Variants in PCBP1 observed in about 807,000 individuals in gnomAD.
The protein encoded by PCBP1 is poly(rC) binding protein 1.
For synonymous variants in PCBP1, 284 were observed against 195.8 expected (o/e 1.45, Z -3.76); for missense variants, 244 against 474.4 (o/e 0.51, Z 4.51).
chr2:70,088,149 G>A lies in PCBP1; in HGVS notation c.406G>A (p.Asp136Asn). The A allele has an allele frequency of 6.2e-7, 1 of 1,613,908 alleles. No individual in the cohort carries two copies. Among genetic ancestry groups the A allele is most frequent in the Non-Finnish European group, 8.5e-7 (1 of 1,179,988 alleles). Reference protein sequence around the residue: ...STGAQVQVAGDMLPNSTERAI... With the variant: ...STGAQVQVAGNMLPNSTERAI... ...GGGGGCGCAGGTCCAGGTGGCGGGG[G>A]ATATGCTGCCCAACTCCACCGAGCG... Residue 136 changes from aspartate to asparagine, a missense_variant, in exon 1 of 1, where the codon GAT becomes AAT. Asp to Asn is a conservative substitution (Grantham distance 23). Coordinates refer to ENST00000303577, the MANE Select transcript of PCBP1 (RefSeq NM_006196.4). The surrounding 1 kb of genome is among the most constrained non-coding windows in gnomAD (Gnocchi z 4.5).
chr2:70,087,751 C>T lies in PCBP1; in HGVS notation c.8C>T (p.Ala3Val), dbSNP rs1188591740. 4 of 1,544,162 alleles carry T rather than the reference C, an allele frequency of 2.6e-6. No homozygotes were observed. The highest frequency in any genetic ancestry group is 1.9e-5 in the Admixed American group (1 of 51,824). The change falls in exon 1 of 1, where the codon GCC (alanine) becomes GTC (valine). Residue 3 changes from alanine (A) to valine (V), a missense_variant. By Grantham distance (64) the Ala-to-Val change is moderately conservative (BLOSUM62 0). Coordinates refer to ENST00000303577, the MANE Select transcript of PCBP1 (RefSeq NM_006196.4). MD[A>V]GVTESGLNVT... Reference sequence around the variant, plus strand: ...CGCCGCCCGCCGCTCGCCATGGATGCCGGTGTGACTGAAAGTGGACTAAAT... The same window carrying T: ...CGCCGCCCGCCGCTCGCCATGGATGTCGGTGTGACTGAAAGTGGACTAAAT...
Position 70,088,284 on chromosome 2 carries a change from A to G in PCBP1, c.541A>G (p.Ile181Val), listed in dbSNP as rs893719521. The G allele has an allele frequency of 2.1e-5, 34 of 1,613,682 alleles. No homozygotes were observed. Among genetic ancestry groups the G allele is most frequent in the Non-Finnish European group, 2.9e-5 (34 of 1,180,026 alleles). ...GTCTCCGCAAGGGAGAGTCATGACC[A>G]TTCCGTACCAGCCCATGCCGGCCAG... is the stretch of plus-strand genomic sequence containing the variant. ...SQSPQGRVMT[I>V]PYQPMPASSP... Residue 181 changes from isoleucine to valine, a missense_variant, in exon 1 of 1, where the codon ATT (isoleucine) becomes GTT (valine). By Grantham distance (29) the Ile-to-Val change is conservative. Coordinates refer to ENST00000303577, the MANE Select transcript of PCBP1 (RefSeq NM_006196.4). The surrounding 1 kb of genome is among the most constrained non-coding windows in gnomAD (Gnocchi z 4.5).
chr2:70,088,580 A>G lies in PCBP1; in HGVS notation c.837A>G (p.Gln279=), dbSNP rs777581632. 3 of 1,614,250 alleles carry G rather than the reference A, an allele frequency of 1.9e-6. No homozygotes were observed. Among genetic ancestry groups the G allele is most frequent in the Non-Finnish European group, 2.5e-6 (3 of 1,180,040 alleles). Reference sequence around the variant, plus strand: ...GGGCAAGTTTGGATGCATCTACTCAAACCACCCATGAACTCACCATTCCAA... The same window carrying G: ...GGGCAAGTTTGGATGCATCTACTCAGACCACCCATGAACTCACCATTCCAA... ...GYWASLDAST[Q]TTHELTIPNN... Residue 279 remains glutamine, a synonymous_variant, in exon 1 of 1, where the codon CAA becomes CAG. Coordinates refer to ENST00000303577, the MANE Select transcript of PCBP1 (RefSeq NM_006196.4). This position sits in a 1 kb window ranked among gnomAD's most constrained non-coding sequence, Gnocchi z 4.5.
rs894671166 is a variant in PCBP1 at position 70,089,142 on chromosome 2, TAAA to T, written c.*332_*334del. 6 of 248,038 alleles carry T rather than the reference TAAA, an allele frequency of 2.4e-5. No homozygotes were observed. The highest frequency in any genetic ancestry group is 9.1e-5 in the African/African-American group (4 of 44,046). The allele number at this position is 248,038 out of a possible 1,614,324, so 15.4% of individuals were successfully genotyped here. On this transcript the variant is annotated 3_prime_UTR_variant, in exon 1 of 1. Coordinates refer to ENST00000303577, the MANE Select transcript of PCBP1 (RefSeq NM_006196.4). ...TCTGTAATGTCAAGAATTTAAGAAT[TAAA>T]AAACGGATTGGTTAAAAAATGCTTC...
At position 70,088,010 on chromosome 2, in the gene PCBP1, C is replaced by T; in HGVS notation, c.267C>T (p.Asn89=). Residue 89 remains asparagine, a synonymous_variant, in exon 1 of 1, where the codon AAC becomes AAT. Coordinates refer to ENST00000303577, the MANE Select transcript of PCBP1 (RefSeq NM_006196.4). This position sits in a 1 kb window ranked among gnomAD's most constrained non-coding sequence, Gnocchi z 4.5. ...LEEDINSSMT[N]STAASRPPVT... ...AAGATATCAACAGCTCCATGACCAA[C>T]AGTACCGCGGCCAGCAGGCCCCCGG... is the stretch of plus-strand genomic sequence containing the variant. 6.2e-7 allele frequency: 1 copy of T among 1,613,860 alleles called. No homozygotes were observed. The highest frequency in any genetic ancestry group is 8.5e-7 in the Non-Finnish European group (1 of 1,180,026).
rs780734416 is a variant in PCBP1 at position 70,088,634 on chromosome 2, C to T, written c.891C>T (p.Arg297=). ...ACTTAATTGGCTGCATAATCGGGCG[C>T]CAAGGCGCCAACATTAATGAGATCC... The part of the protein sequence containing the change: ...PNNLIGCIIG[R]QGANINEIRQ... Residue 297 remains arginine, a synonymous_variant, in exon 1 of 1, where the codon CGC becomes CGT. Coordinates refer to ENST00000303577, the MANE Select transcript of PCBP1 (RefSeq NM_006196.4). The surrounding 1 kb of genome is among the most constrained non-coding windows in gnomAD (Gnocchi z 4.5). 7 of 1,614,120 alleles carry T rather than the reference C, an allele frequency of 4.3e-6. No homozygotes were observed. The Admixed American group carries it at 8.3e-5, about 19-fold the overall frequency.
At position 70,088,103 on chromosome 2, in the gene PCBP1, C is replaced by A. The variant is rs766895232; in HGVS notation, c.360C>A (p.Ile120=). The A allele has an allele frequency of 6.2e-7, 1 of 1,613,584 alleles. No individual in the cohort carries two copies. The highest frequency in any genetic ancestry group is 1.1e-5 in the South Asian group (1 of 91,076). The change falls in exon 1 of 1, where the codon ATC becomes ATA. Residue 120 remains isoleucine (I), a synonymous_variant. Transcript: ENST00000303577. This position sits in a 1 kb window ranked among gnomAD's most constrained non-coding sequence, Gnocchi z 4.5. ...TGATTGGGAAAGGCGGGTGTAAGAT[C>A]AAAGAGATCCGCGAGAGTACGGGGG... ...GSLIGKGGCK[I]KEIRESTGAQ...
At position 70,087,868 on chromosome 2, in the gene PCBP1, A is replaced by T. The variant is rs1379063769; in HGVS notation, c.125A>T (p.Glu42Val). The part of the protein sequence containing the change: ...KGESVKRIRE[E>V]SGARINISEG... ...GAGTCGGTTAAGAGGATCCGCGAGGAGAGTGGCGCGCGGATCAACATCTCG... is the reference window on the plus strand; with the variant it reads ...GAGTCGGTTAAGAGGATCCGCGAGGTGAGTGGCGCGCGGATCAACATCTCG... The change falls in exon 1 of 1, where the codon GAG becomes GTG. Residue 42 changes from glutamate (E) to valine (V), a missense_variant. Physicochemically the swap from Glu to Val is moderately radical, Grantham distance 121. Transcript: ENST00000303577. 6.2e-7 allele frequency: 1 copy of T among 1,612,292 alleles called. No homozygotes were observed. Among genetic ancestry groups the T allele is most frequent in the African/African-American group, 1.3e-5 (1 of 74,910 alleles).
chr2:70,088,302 C>A lies in PCBP1; in HGVS notation c.559C>A (p.Pro187Thr). Residue 187 changes from proline to threonine, a missense_variant, in exon 1 of 1, where the codon CCG becomes ACG. Coordinates refer to ENST00000303577, the MANE Select transcript of PCBP1 (RefSeq NM_006196.4). The surrounding 1 kb of genome is among the most constrained non-coding windows in gnomAD (Gnocchi z 4.5). ...RVMTIPYQPMPASSPVICAGG... is the reference protein window; with the variant it reads ...RVMTIPYQPMTASSPVICAGG... ...CATGACCATTCCGTACCAGCCCATG[C>A]CGGCCAGCTCCCCAGTCATCTGCGC... 6.2e-7 allele frequency: 1 copy of A among 1,613,802 alleles called. No homozygotes were observed. Among genetic ancestry groups the A allele is most frequent in the South Asian group, 1.1e-5 (1 of 91,088 alleles).
Position 70,088,857 on chromosome 2 carries a change from C to T in PCBP1, c.*43C>T. On this transcript the variant is annotated 3_prime_UTR_variant, in exon 1 of 1. Transcript: ENST00000303577. This position sits in a 1 kb window ranked among gnomAD's most constrained non-coding sequence, Gnocchi z 4.5. The stretch of plus-strand genomic sequence containing the variant: ...CAATAACCCCTTTCTGCTGTTCTCC[C>T]ATGATCCAACTGTGTAATTTCTGGT... 3 of 1,378,806 alleles carry T rather than the reference C, an allele frequency of 2.2e-6. No homozygotes were observed. Among genetic ancestry groups the T allele is most frequent in the Non-Finnish European group, 2.0e-6 (2 of 998,044 alleles). The allele number at this position is 1,378,806 out of a possible 1,614,324, so 85.4% of individuals were successfully genotyped here.
Position 70,087,659 on chromosome 2 carries a change from C to A in PCBP1, c.-85C>A. On this transcript the variant is annotated 5_prime_UTR_variant, in exon 1 of 1. Transcript: ENST00000303577. ...CTCGCCTCGCGCCGGCAGTTTTGGG[C>A]CTACACCTCCCCTCCCCCCGCCAGC... is the stretch of plus-strand genomic sequence containing the variant. The A allele has an allele frequency of 1.1e-6, 1 of 934,532 alleles. No individual in the cohort carries two copies. Among genetic ancestry groups the A allele is most frequent in the Non-Finnish European group, 1.6e-6 (1 of 620,094 alleles). The allele number at this position is 934,532 out of a possible 1,614,324, so 57.9% of individuals were successfully genotyped here.
rs772702109 is a variant in PCBP1, at chr2:70,088,724, T to C, written c.981T>C (p.Val327=). The C allele has an allele frequency of 1.2e-6, 2 of 1,614,234 alleles. No homozygotes were observed. Among genetic ancestry groups the C allele is most frequent in the East Asian group, 4.5e-5 (2 of 44,890 alleles). Residue 327 remains valine, a synonymous_variant, in exon 1 of 1, where the codon GTT becomes GTC. Coordinates refer to ENST00000303577, the MANE Select transcript of PCBP1 (RefSeq NM_006196.4). The surrounding 1 kb of genome is among the most constrained non-coding windows in gnomAD (Gnocchi z 4.5). ...NPVEGSSGRQ[V]TITGSAASIS... is the part of the protein sequence containing the mutation. ...TGGAAGGCTCCTCTGGTAGGCAGGTTACTATCACTGGCTCTGCTGCCAGTA... is the reference window on the plus strand; with the variant it reads ...TGGAAGGCTCCTCTGGTAGGCAGGTCACTATCACTGGCTCTGCTGCCAGTA...
chr2:70,087,520 G>A lies in PCBP1; in HGVS notation c.-224G>A, dbSNP rs1671342681. The A allele has an allele frequency of 9.8e-6, 1 of 102,012 alleles. No homozygotes were observed. The highest frequency in any genetic ancestry group is 3.9e-5 in the African/African-American group (1 of 25,614). The allele number at this position is 102,012 out of a possible 1,614,324, so 6.3% of individuals were successfully genotyped here. On this transcript the variant is annotated 5_prime_UTR_variant, in exon 1 of 1. Transcript: ENST00000303577. ...CCGGAGTCGCCACCGCCGCGCCCTC[G>A]CCCACCCGCCCGCCCGCCGCTCCCG...
Position 70,087,498 on chromosome 2 carries a change from G to A in PCBP1, c.-246G>A, listed in dbSNP as rs1671340715. The A allele has an allele frequency of 6.7e-6, 1 of 149,542 alleles. No homozygotes were observed. Among genetic ancestry groups the A allele is most frequent in the African/African-American group, 2.4e-5 (1 of 40,934 alleles). 9.3% of individuals were successfully genotyped at this position (149,542 alleles called of 1,614,324 possible). A position where few individuals can be genotyped will look rare whatever the true frequency, so the allele number is the denominator to read the frequency against. On this transcript the variant is annotated 5_prime_UTR_variant, in exon 1 of 1. Transcript: ENST00000303577. ...GCCCAGACCGCCGAGGCTGCCGCCG[G>A]AGTCGCCACCGCCGCGCCCTCGCCC...
Position 70,088,924 on chromosome 2 carries a change from C to T in PCBP1, c.*110C>T, listed in dbSNP as rs1490703283. 5.4e-6 allele frequency: 4 copies of T among 736,716 alleles called. No individual in the cohort carries two copies. The highest frequency in any genetic ancestry group is 8.8e-6 in the Non-Finnish European group (4 of 453,526). 45.6% of individuals were successfully genotyped at this position (736,716 alleles called of 1,614,324 possible). On this transcript the variant is annotated 3_prime_UTR_variant, in exon 1 of 1. Transcript: ENST00000303577. The surrounding 1 kb of genome is among the most constrained non-coding windows in gnomAD (Gnocchi z 4.5). The stretch of plus-strand genomic sequence containing the variant: ...TAAATAATTTGTAAGTGTTCAGTTT[C>T]TACACAACTTTATCATCCGCTAAGA...
In PCBP1 at chr2:70,087,677, C is replaced by A; in HGVS notation, c.-67C>A. ...TTTTGGGCCTACACCTCCCCTCCCC[C>A]CGCCAGCCGCCAAAGACTTGACCAC... On this transcript the variant is annotated 5_prime_UTR_variant, in exon 1 of 1. Transcript: ENST00000303577. 2 of 1,144,134 alleles carry A rather than the reference C, an allele frequency of 1.7e-6. No homozygotes were observed. The allele number at this position is 1,144,134 out of a possible 1,614,324, so 70.9% of individuals were successfully genotyped here.
chr2:70,088,966 C>T lies in PCBP1; in HGVS notation c.*152C>T, dbSNP rs1453422021. ...CCGCTAAGAATTTAAAAATCACATT[C>T]TCTGTTCAGCTGTTAATGCTGGGAT... On this transcript the variant is annotated 3_prime_UTR_variant, in exon 1 of 1. Coordinates refer to ENST00000303577, the MANE Select transcript of PCBP1 (RefSeq NM_006196.4). The surrounding 1 kb of genome is among the most constrained non-coding windows in gnomAD (Gnocchi z 4.5). 3.3e-6 allele frequency: 2 copies of T among 609,022 alleles called. No individual in the cohort carries two copies. The highest frequency in any genetic ancestry group is 5.8e-6 in the Non-Finnish European group (2 of 344,824). The allele number at this position is 609,022 out of a possible 1,614,324, so 37.7% of individuals were successfully genotyped here.
Position 70,088,159 on chromosome 2 carries a change from C to T in PCBP1, c.416C>T (p.Pro139Leu). 2 of 1,613,990 alleles carry T rather than the reference C, an allele frequency of 1.2e-6. No homozygotes were observed. Among genetic ancestry groups the T allele is most frequent in the Non-Finnish European group, 1.7e-6 (2 of 1,180,004 alleles). Reference protein sequence around the residue: ...AQVQVAGDMLPNSTERAITIA... With the variant: ...AQVQVAGDMLLNSTERAITIA... ...GTCCAGGTGGCGGGGGATATGCTGC[C>T]CAACTCCACCGAGCGGGCCATCACC... Residue 139 changes from proline to leucine, a missense_variant, in exon 1 of 1, where the codon CCC becomes CTC. Physicochemically the swap from Pro to Leu is moderately conservative, Grantham distance 98. Coordinates refer to ENST00000303577, the MANE Select transcript of PCBP1 (RefSeq NM_006196.4). This position sits in a 1 kb window ranked among gnomAD's most constrained non-coding sequence, Gnocchi z 4.5.
At position 70,088,979 on chromosome 2, in the gene PCBP1, T is replaced by TTAA; in HGVS notation, c.*167_*169dup. On this transcript the variant is annotated 3_prime_UTR_variant, in exon 1 of 1. Coordinates refer to ENST00000303577, the MANE Select transcript of PCBP1 (RefSeq NM_006196.4). This position sits in a 1 kb window ranked among gnomAD's most constrained non-coding sequence, Gnocchi z 4.5. The stretch of plus-strand genomic sequence containing the variant: ...AAAAATCACATTCTCTGTTCAGCTG[T>TTAA]TAATGCTGGGATCCATATTTAGTTT... 1 of 577,312 alleles carries TTAA rather than the reference T, an allele frequency of 1.7e-6. No individual in the cohort carries two copies. Among genetic ancestry groups the TTAA allele is most frequent in the Admixed American group, 3.4e-5 (1 of 29,524 alleles). 35.8% of individuals were successfully genotyped at this position (577,312 alleles called of 1,614,324 possible). A position where few individuals can be genotyped will look rare whatever the true frequency, so the allele number is the denominator to read the frequency against.
Sources: gnomAD v4.1 joint callset for allele counts on GRCh38, gnomAD v4.1.1 for gene constraint, Gnocchi (gnomAD v3.1) non-coding constraint, MANE v1.5 for transcripts, NCBI Gene and HGNC (gene_info 2026-07-23, HGNC 2026-07-21) for gene names.